The following SLIT3 variants were observed in gnomAD, a reference collection of about 807,000 sequenced individuals.
SLIT3 encodes slit guidance ligand 3.
A neutral mutation model predicts 184.0 loss-of-function variants in SLIT3; 68 were observed. That is an observed-to-expected ratio of 0.37 (90% CI 0.30 to 0.45). The LOEUF is 0.45. Among genes scored for constraint, SLIT3 ranks in the 20% least tolerant of loss-of-function variants. SLIT3 has a pLI of 1.00. For synonymous variants in SLIT3, 831 were observed against 828.6 expected, an observed-to-expected ratio of 1.00 and a Z score of -0.05; for missense variants, 1,707 against 2,026.0, an observed-to-expected ratio of 0.84 and a Z score of 3.02.
chr5:169,148,671 A>G (rs1762014431), intron 4 of SLIT3, among the ~76,000 whole-genome samples: 1 of 152,194 alleles, frequency 6.6e-6, no homozygotes, highest in Non-Finnish European at 1.5e-5. Context: ...GACCTCGGTT[A>G]TGTGTTGTAT....
intron 4 of SLIT3, among the ~76,000 whole-genome samples, chr5:169,021,834 G>T (rs993828446): frequency 6.6e-6 from 1 of 152,166 alleles, no homozygotes; most frequent in Admixed American, 6.5e-5. Context: ...GACCTGCGTT[G>T]CTCACCATGG....
chr5:168,852,702 A>C (rs1758722803), intron 5 of SLIT3, among the ~76,000 whole-genome samples: 1 of 152,112 alleles, frequency 6.6e-6, no homozygotes, highest in East Asian at 1.9e-4. Flanking sequence ...ATACTAACTA[A>C]CCCTTTGAAG....
At chr5:169,253,740 C>T (rs766559027) in intron 1 of SLIT3, among the ~76,000 whole-genome samples, 17 of 152,190 alleles carry the variant, frequency 1.1e-4, no homozygotes, top group Non-Finnish European at 2.1e-4. Context: ...AAGCTGACAG[C>T]CCCATACCCC....
Position 168,671,484 on chromosome 5 carries a change from C to T in SLIT3, c.3842-1G>A, listed in dbSNP as rs779001448. On this transcript the variant is annotated splice_acceptor_variant, in intron 33 of 35. Coordinates refer to ENST00000519560, the MANE Select transcript of SLIT3 (RefSeq NM_003062.4). LOFTEE classifies it high-confidence loss of function. Reference sequence around the variant, plus strand: ...GAGAGGCCGGTGGAGGTGGGGATGCCTGTGGGAGGGGAGCCAGGACAGTGG... The same window carrying T: ...GAGAGGCCGGTGGAGGTGGGGATGCTTGTGGGAGGGGAGCCAGGACAGTGG... 6.2e-7 allele frequency: 1 copy of T among 1,608,640 alleles called. No homozygotes were observed. The highest frequency in any genetic ancestry group is 1.3e-5 in the African/African-American group (1 of 75,010).
intron 9 of SLIT3, among the ~76,000 whole-genome samples, 181 bp downstream of exon 9, chr5:168,806,265 C>T (rs1375327524): frequency 1.3e-5 from 2 of 152,192 alleles, no homozygotes; most frequent in African/African-American, 4.8e-5. Context: ...CGAGTCTATG[C>T]TCTTGACCAC....
intron 31 of SLIT3, among the ~76,000 whole-genome samples, chr5:168,685,439 T>C (rs560327870): frequency 2.0e-5 from 3 of 152,272 alleles, no homozygotes; most frequent in East Asian, 1.9e-4. Context: ...TGGTGTACAA[T>C]AGTTGAATGC....
intron 1 of SLIT3, among the ~76,000 whole-genome samples, chr5:169,254,378 G>A (rs1417348829): frequency 6.6e-6 from 1 of 152,178 alleles, no homozygotes; most frequent in Non-Finnish European, 1.5e-5. Context: ...GATGGGTTCT[G>A]AACTGTCAGC....
chr5:168,844,979 C>CA, intron 5 of SLIT3: 1 of 319,328 alleles, frequency 3.1e-6, no homozygotes, highest in Admixed American at 4.6e-5. Context: ...CTCTTACCGT[C>CA]ATGTCACTGA....
chr5:169,123,989 T>TG (rs1760984514), intron 4 of SLIT3, among the ~76,000 whole-genome samples: 1 of 152,218 alleles, frequency 6.6e-6, no homozygotes, highest in South Asian at 2.1e-4. Context: ...ACCATGCTCC[T>TG]GCTCATTCCT....
chr5:169,245,483 G>C (rs868590688), intron 2 of SLIT3, among the ~76,000 whole-genome samples: 1 of 152,064 alleles, frequency 6.6e-6, no homozygotes, highest in African/African-American at 2.4e-5. Context: ...AAAAATGGCC[G>C]CTTAAATGGA....
At position 168,688,790 on chromosome 5, in the gene SLIT3, T is replaced by C. The variant is rs192699168; in HGVS notation, c.3177-1674A>G. Among the ~76,000 whole-genome samples, 10 of 152,366 alleles carry C rather than the reference T, an allele frequency of 6.6e-5. No homozygotes were observed. The East Asian group carries it at 1.9e-3, about 29-fold the overall frequency. Reference sequence around the variant, plus strand: ...CTCAATACAGCACCATGTATACTTCTGCTACTGTGTTAAACTTGGCCCAGG... The same window carrying C: ...CTCAATACAGCACCATGTATACTTCCGCTACTGTGTTAAACTTGGCCCAGG... On this transcript the variant is annotated intron_variant, in intron 29 of 35. Transcript: ENST00000519560.
At chr5:169,032,731 C>T (rs1283951071) in intron 4 of SLIT3, among the ~76,000 whole-genome samples, 1 of 150,300 alleles carries the variant, frequency 6.7e-6, no homozygotes, top group East Asian at 2.0e-4. Flanking sequence ...AACTATCTAA[C>T]AGGACCTCAT....
rs558737808 is a variant in SLIT3, at chr5:169,082,201, G to A, written c.413+111278C>T. Among the ~76,000 whole-genome samples, 6 of 152,260 alleles carry A rather than the reference G, an allele frequency of 3.9e-5. No homozygotes were observed. The South Asian group carries it at 8.3e-4, about 21-fold the overall frequency. On this transcript the variant is annotated intron_variant, in intron 4 of 35. Transcript: ENST00000519560. ...CGAGTAGAAGCCATGTGGAAGCCAC[G>A]CCAAACAAACCCCTGCTTTCTATGC...
chr5:169,109,141 T>C (rs1256410753), intron 4 of SLIT3, among the ~76,000 whole-genome samples: 2 of 152,212 alleles, frequency 1.3e-5, no homozygotes, highest in African/African-American at 4.8e-5. Flanking sequence ...CAGGATTACA[T>C]TATGTTATAT....
chr5:168,928,021 C>T (rs113925167), intron 4 of SLIT3, among the ~76,000 whole-genome samples: 4 of 152,316 alleles, frequency 2.6e-5, no homozygotes, highest in African/African-American at 7.2e-5. Flanking sequence ...TTCCCGTTAG[C>T]GTGGATGTAG....
intron 12 of SLIT3, among the ~76,000 whole-genome samples, chr5:168,776,486 G>A (rs1021452638): frequency 1.3e-5 from 2 of 152,196 alleles, no homozygotes; most frequent in African/African-American, 4.8e-5. Flanking sequence ...TGACTCACAA[G>A]TGATAGGGGA....
intron 3 of SLIT3, among the ~76,000 whole-genome samples, chr5:169,197,461 A>G (rs1763775043): frequency 6.6e-6 from 1 of 152,210 alleles, no homozygotes; most frequent in South Asian, 2.1e-4. Flanking sequence ...CTGTGAAAGC[A>G]GCCCCTCAAC....
At chr5:169,193,667 G>A (rs1038236760) in intron 3 of SLIT3, 117 bp from the exon 4 acceptor site, 30 of 804,872 alleles carry the variant, frequency 3.7e-5, no homozygotes, top group South Asian at 9.8e-5. Flanking sequence ...GACTCTCTAC[G>A]TCTTTCAGTA....
At chr5:169,073,016 A>G (rs1185234943) in intron 4 of SLIT3, among the ~76,000 whole-genome samples, 1 of 152,158 alleles carries the variant, frequency 6.6e-6, no homozygotes, top group East Asian at 1.9e-4. Context: ...ATTACAGCAC[A>G]TTCATTTAAT....
Sources: allele counts gnomAD v4.1 joint callset (sites outside exome capture counted in the v4.1 genomes callset), GRCh38; gene constraint gnomAD v4.1.1; transcripts MANE v1.5; gene names NCBI Gene and HGNC (gene_info 2026-07-23, HGNC 2026-07-21).